VPS37A: variants seen among roughly 807,000 people sequenced by gnomAD.
VPS37A encodes the protein vacuolar protein sorting-associated protein 37A.
Under a neutral mutation model 49.8 loss-of-function variants are expected in VPS37A, and 30 were observed. The observed-to-expected ratio is 0.60, with a 90% confidence interval of 0.45 to 0.82. The LOEUF (loss-of-function observed/expected upper bound fraction) is 0.82, where lower values mean the gene tolerates loss of function less well. Ranked by LOEUF, VPS37A falls within the 40% of genes least tolerant of loss-of-function variation. The pLI, the probability that VPS37A is intolerant of heterozygous loss-of-function variation, is 0.00. For synonymous variants in VPS37A, 195 were observed against 160.6 expected, an observed-to-expected ratio of 1.21 and a Z score of -1.62; for missense variants, 593 against 464.4, an observed-to-expected ratio of 1.28 and a Z score of -2.55.
chr8:17,277,570 C>G (rs1446776841), intron 6 of VPS37A, among the ~76,000 whole-genome samples: 1 of 151,882 alleles, frequency 6.6e-6, no homozygotes, highest in Non-Finnish European at 1.5e-5. Context: ...TAAAGCAAAT[C>G]CCAGATAATA....
chr8:17,306,046 C>G, downstream of VPS37A: 1 of 988,974 alleles, frequency 1.0e-6, no homozygotes, highest in Non-Finnish European at 1.5e-6. Flanking sequence ...AAAAGCAACC[C>G]TAGTTCCTAA....
rs894426793 is a variant in VPS37A at position 17,296,523 on chromosome 8, G to A, written c.*1537G>A. ...CCAGCAGTTACAGCAATGGGAGATAGAACAGTCTCAATCTTTTGCCAACCA... is the reference window on the plus strand; with the variant it reads ...CCAGCAGTTACAGCAATGGGAGATAAAACAGTCTCAATCTTTTGCCAACCA... On this transcript the variant is annotated 3_prime_UTR_variant, in exon 12 of 12. Transcript: ENST00000324849. The A allele has an allele frequency of 5.3e-5, 8 of 152,178 alleles. No individual in the cohort carries two copies. Among genetic ancestry groups the A allele is most frequent in the African/African-American group, 1.7e-4 (7 of 41,450 alleles). The allele number at this position is 152,178 out of a possible 1,614,324, so 9.4% of individuals were successfully genotyped here.
Position 17,295,821 on chromosome 8 carries a change from C to A in VPS37A, c.*835C>A, listed in dbSNP as rs1053972739. 4.6e-5 allele frequency: 7 copies of A among 152,120 alleles called. No individual in the cohort carries two copies. The highest frequency in any genetic ancestry group is 4.4e-5 in the Non-Finnish European group (3 of 68,016). The allele number at this position is 152,120 out of a possible 1,614,324, so 9.4% of individuals were successfully genotyped here. ...AAAAAAAGTCAGTGAACTTTTCTGA[C>A]CTTTACTGTGAGTTACCTTTTCCTA... is the stretch of plus-strand genomic sequence containing the variant. On this transcript the variant is annotated 3_prime_UTR_variant, in exon 12 of 12. Transcript: ENST00000324849.
intron 5 of VPS37A, 112 bp downstream of exon 5, chr8:17,275,070 A>T: frequency 2.0e-6 from 2 of 995,808 alleles, no homozygotes; most frequent in Non-Finnish European, 3.0e-6. Context: ...AAAATATGAA[A>T]AGATGAACTC....
downstream of VPS37A, among the ~76,000 whole-genome samples, chr8:17,306,229 C>T (rs975603785): frequency 6.6e-6 from 1 of 152,056 alleles, no homozygotes; most frequent in African/African-American, 2.4e-5. Flanking sequence ...ACACTTTCCA[C>T]AGAAAAAGGG....
chr8:17,292,138 A>G (rs1247873475), intron 11 of VPS37A, among the ~76,000 whole-genome samples: 1 of 152,174 alleles, frequency 6.6e-6, no homozygotes, highest in Non-Finnish European at 1.5e-5. Flanking sequence ...TTGCTTTATG[A>G]ATCTGGGTGC....
chr8:17,274,638 A>T, intron 4 of VPS37A, 95 bp from the exon 5 acceptor site: 1 of 877,656 alleles, frequency 1.1e-6, no homozygotes, highest in Non-Finnish European at 1.8e-6. Context: ...TCATCTATAT[A>T]GTACTTGACC....
intron 1 of VPS37A, chr8:17,247,788 T>TA: frequency 1.4e-6 from 1 of 702,424 alleles, no homozygotes; most frequent in Non-Finnish European, 2.6e-6. Flanking sequence ...GAATGGAAAA[T>TA]AGAACTGTTG....
At chr8:17,248,403 T>G (rs1442613756) in intron 1 of VPS37A, 1 of 455,174 alleles carries the variant, frequency 2.2e-6, no homozygotes, top group Non-Finnish European at 4.4e-6. Flanking sequence ...CCCCTCCGAG[T>G]AGCTGGGATT....
chr8:17,331,089 T>A, the VPS37A span: 11 of 1,554,002 alleles, frequency 7.1e-6, no homozygotes, highest in Non-Finnish European at 9.6e-6. Flanking sequence ...ACTATCTTAT[T>A]CCCTTTTGGC....
intron 9 of VPS37A, among the ~76,000 whole-genome samples, chr8:17,281,815 T>G (rs1267937710): frequency 3.3e-5 from 5 of 152,076 alleles, no homozygotes; most frequent in Non-Finnish European, 7.4e-5. Context: ...AACAAAATTG[T>G]AAAGTACTTA....
At chr8:17,247,587 C>G (rs1234119914) in intron 1 of VPS37A, 7 of 729,684 alleles carry the variant, frequency 9.6e-6, no homozygotes, top group Non-Finnish European at 1.5e-5. Flanking sequence ...CTCAGCGCTT[C>G]TAACTCGGAT....
the VPS37A span, among the ~76,000 whole-genome samples, chr8:17,318,692 T>C: frequency 5.4e-4 from 82 of 152,282 alleles, no homozygotes; most frequent in African/African-American, 1.5e-3. Context: ...ACAGGTATTG[T>C]GCATGTTTGG....
At chr8:17,256,019 G>A (rs1214558493) in intron 1 of VPS37A, among the ~76,000 whole-genome samples, 1 of 151,618 alleles carries the variant, frequency 6.6e-6, no homozygotes, top group African/African-American at 2.4e-5. Context: ...CTATCTCTTT[G>A]ATTTTTTTTC....
At chr8:17,282,745 GACACAC>G (rs149421072) in intron 9 of VPS37A, among the ~76,000 whole-genome samples, 19 of 149,994 alleles carry the variant, frequency 1.3e-4, no homozygotes, top group South Asian at 6.3e-4. Context: ...TTAAAAAAAA[GACACAC>G]ACACACACAC....
At chr8:17,326,297 T>C in the VPS37A span, 1 of 152,162 alleles carries the variant, frequency 6.6e-6, no homozygotes, top group Non-Finnish European at 1.5e-5. Flanking sequence ...ATCCGTAAAA[T>C]GAAGATAAGA....
chr8:17,254,822 A>G (rs1812292573), intron 1 of VPS37A, among the ~76,000 whole-genome samples: 1 of 152,182 alleles, frequency 6.6e-6, no homozygotes, highest in Non-Finnish European at 1.5e-5. Context: ...TTATGTATCC[A>G]TAATAATTAA....
intron 4 of VPS37A, among the ~76,000 whole-genome samples, chr8:17,270,303 A>G (rs1240162838): frequency 2.6e-5 from 4 of 152,200 alleles, no homozygotes; most frequent in African/African-American, 4.8e-5. Context: ...TTATGTTTTT[A>G]TAAGAATCTA....
At chr8:17,250,299 C>G (rs1245506529) in intron 1 of VPS37A, among the ~76,000 whole-genome samples, 1 of 152,102 alleles carries the variant, frequency 6.6e-6, no homozygotes, top group East Asian at 1.9e-4. Context: ...TTCTGAGCCC[C>G]AATACTGGCA....
Sources: gnomAD v4.1 joint callset for allele counts (sites outside exome capture counted in the v4.1 genomes callset) on GRCh38, gnomAD v4.1.1 for gene constraint, MANE v1.5 for transcripts, NCBI Gene and HGNC (gene_info 2026-07-23, HGNC 2026-07-21) for gene names.